ASH1L: variants seen among roughly 807,000 people sequenced by gnomAD.
ASH1L encodes histone-lysine N-methyltransferase ASH1L.
In ASH1L, 23 loss-of-function variants were observed where a neutral mutation model predicts 269.0. The ratio of observed to expected loss-of-function variants is 0.09; its 90% CI spans 0.06 to 0.12. ASH1L has a LOEUF of 0.12. Among genes scored for constraint, ASH1L ranks in the 10% least tolerant of loss-of-function variants. The pLI is 1.00. For missense variants in ASH1L, 2,912 were observed against 3,567.8 expected (o/e 0.82, Z 4.68); for synonymous variants, 1,187 against 1,253.5 (o/e 0.95, Z 1.12).
At chr1:155,533,280 C>G (rs1669812623) in intron 1 of ASH1L, among the ~76,000 whole-genome samples, 1 of 151,986 alleles carries the variant, frequency 6.6e-6, no homozygotes, top group South Asian at 2.1e-4. Flanking sequence ...TATATTATCT[C>G]ATTTAAGGCT....
At chr1:155,536,262 G>A (rs1236572583) in intron 1 of ASH1L, among the ~76,000 whole-genome samples, 1 of 152,166 alleles carries the variant, frequency 6.6e-6, no homozygotes, top group Non-Finnish European at 1.5e-5. Flanking sequence ...AACTGAATGA[G>A]TACGCAGACT....
intron 1 of ASH1L, among the ~76,000 whole-genome samples, chr1:155,528,849 C>T (rs530541742): frequency 6.6e-6 from 1 of 152,248 alleles, no homozygotes; most frequent in South Asian, 2.1e-4. Context: ...TCTCCCTCTT[C>T]CCACCCTCCA....
At chr1:155,554,584 T>G (rs1420854947) in intron 1 of ASH1L, among the ~76,000 whole-genome samples, 3 of 152,144 alleles carry the variant, frequency 2.0e-5, no homozygotes, top group Non-Finnish European at 4.4e-5. Context: ...AATTTTTTAT[T>G]TTTTTAGTAA....
Position 155,438,882 on chromosome 1 carries a change from G to A in ASH1L, c.5273C>T (p.Thr1758Ile). ...TAAAAGGCTGTCTGGTTTTCCCAGG[G>A]TTCGGTCCTTGCTGTGGCTACGGCC... ...SPGRSHSKDRTLGKPDSLLVP... is the reference protein window; with the variant it reads ...SPGRSHSKDRILGKPDSLLVP... Residue 1758 changes from threonine to isoleucine, a missense_variant, in exon 5 of 28, where the codon ACC becomes ATC. Physicochemically the swap from Thr to Ile is moderately conservative, Grantham distance 89 (BLOSUM62 -1). Around this residue, in one of 13 missense-constraint regions of ASH1L, gnomAD observed 789 missense variants for 897.6 expected, o/e 0.88. Coordinates refer to ENST00000392403, the MANE Select transcript of ASH1L (RefSeq NM_018489.3). 3 of 1,614,206 alleles carry A rather than the reference G, an allele frequency of 1.9e-6. No homozygotes were observed. Among genetic ancestry groups the A allele is most frequent in the African/African-American group, 1.3e-5 (1 of 75,054 alleles).
At chr1:155,541,755 A>G (rs1054111283) in intron 1 of ASH1L, among the ~76,000 whole-genome samples, 7 of 152,136 alleles carry the variant, frequency 4.6e-5, no homozygotes, top group African/African-American at 1.7e-4. Context: ...ATCAATAACC[A>G]TATTTTTAGG....
At chr1:155,450,045 T>G (rs1331925994) in intron 4 of ASH1L, among the ~76,000 whole-genome samples, 1 of 152,216 alleles carries the variant, frequency 6.6e-6, no homozygotes, top group Non-Finnish European at 1.5e-5. Context: ...GGTTAAAAAA[T>G]TTTAAGTTGA....
chr1:155,481,423 C>T lies in ASH1L; in HGVS notation c.1447G>A (p.Val483Ile). ...TCCAAATTAATGATTTCTTTTCGTA[C>T]TGAGAACTTTTCCAATATGCTTTCT... Reference protein sequence around the residue: ...NKESILEKFSVRKEIINLEKE... With the variant: ...NKESILEKFSIRKEIINLEKE... The change falls in exon 3 of 28, where the codon GTA becomes ATA. Residue 483 changes from valine (V) to isoleucine (I), a missense_variant. Val to Ile is a conservative substitution (Grantham distance 29, BLOSUM62 3). Transcript: ENST00000392403. 6 of 1,614,004 alleles carry T rather than the reference C, an allele frequency of 3.7e-6. No homozygotes were observed. The highest frequency in any genetic ancestry group is 1.3e-5 in the African/African-American group (1 of 75,028).
chr1:155,391,355 TG>T (rs1657913421), intron 7 of ASH1L, among the ~76,000 whole-genome samples: 1 of 152,252 alleles, frequency 6.6e-6, no homozygotes, highest in Admixed American at 6.5e-5. Context: ...GTTTTAGTTC[TG>T]GGACTTTCAT....
At chr1:155,371,471 C>T (rs1655934597) in intron 10 of ASH1L, among the ~76,000 whole-genome samples, 1 of 152,144 alleles carries the variant, frequency 6.6e-6, no homozygotes, top group Non-Finnish European at 1.5e-5. Flanking sequence ...TCCCTTGAAC[C>T]TGTGAGGTGG....
At chr1:155,494,950 G>C (rs974472725) in intron 2 of ASH1L, among the ~76,000 whole-genome samples, 10 of 152,056 alleles carry the variant, frequency 6.6e-5, no homozygotes, top group African/African-American at 1.9e-4. Flanking sequence ...GAGAGAGAGA[G>C]AGAGAATGAA....
chr1:155,345,224 G>A (rs915311989), intron 21 of ASH1L, among the ~76,000 whole-genome samples: 3 of 112,348 alleles, frequency 2.7e-5, no homozygotes, highest in Non-Finnish European at 5.0e-5. Flanking sequence ...TCCGTCACCC[G>A]GGCTAGAGTG....
chr1:155,355,603 T>G (rs73008925), intron 15 of ASH1L, among the ~76,000 whole-genome samples: 279 of 152,276 alleles, frequency 1.8e-3, no homozygotes, highest in African/African-American at 6.5e-3. Flanking sequence ...AAATTCTCAT[T>G]TAAGTGGTCT....
At chr1:155,516,026 C>G (rs1334056177) in intron 2 of ASH1L, among the ~76,000 whole-genome samples, 2 of 152,014 alleles carry the variant, frequency 1.3e-5, no homozygotes, top group Non-Finnish European at 2.9e-5. Context: ...TTGTTTCTTA[C>G]ACTGCCTTCT....
chr1:155,546,123 A>G (rs528616236), intron 1 of ASH1L, among the ~76,000 whole-genome samples: 1 of 148,432 alleles, frequency 6.7e-6, no homozygotes, highest in East Asian at 2.0e-4. Flanking sequence ...GTGCCACTGC[A>G]CGCCAGCTTG....
At chr1:155,369,696 G>C (rs1428955792) in intron 12 of ASH1L, among the ~76,000 whole-genome samples, 4 of 152,086 alleles carry the variant, frequency 2.6e-5, no homozygotes, top group Non-Finnish European at 5.9e-5. Flanking sequence ...CAGTAGAGTG[G>C]CTGAATGAAC....
intron 5 of ASH1L, among the ~76,000 whole-genome samples, chr1:155,436,527 C>T (rs1335513223): frequency 2.3e-4 from 24 of 105,366 alleles, no homozygotes; most frequent in Non-Finnish European, 3.4e-4. Context: ...GAAGGAGTCT[C>T]GCTTTGTCAC....
chr1:155,531,203 A>G (rs1189504210), intron 1 of ASH1L, among the ~76,000 whole-genome samples: 4 of 144,424 alleles, frequency 2.8e-5, no homozygotes, highest in South Asian at 2.2e-4. Context: ...TACAATTTGG[A>G]AAAAAAAAAA....
chr1:155,484,938 A>AC (rs1182937940), intron 2 of ASH1L, among the ~76,000 whole-genome samples: 37 of 135,066 alleles, frequency 2.7e-4, no homozygotes, highest in Middle Eastern at 4.0e-3. Flanking sequence ...CAAAAAAAAA[A>AC]AAAAACAAAA....
At chr1:155,353,912 G>C (rs1367277930) in intron 16 of ASH1L, among the ~76,000 whole-genome samples, 3 of 152,128 alleles carry the variant, frequency 2.0e-5, no homozygotes, top group Non-Finnish European at 2.9e-5. Flanking sequence ...GTAACAAAGA[G>C]GGCCCACTAT....
Sources: gnomAD v4.1 joint callset for allele counts (sites outside exome capture counted in the v4.1 genomes callset) on GRCh38, gnomAD v4.1.1 for gene constraint, gnomAD v4.1.1 regional missense constraint, MANE v1.5 for transcripts, NCBI Gene and HGNC (gene_info 2026-07-23, HGNC 2026-07-21) for gene names.